TRPM1: variants seen among roughly 807,000 people sequenced by gnomAD.
The protein encoded by TRPM1 is transient receptor potential cation channel subfamily M member 1.
In TRPM1, 113 loss-of-function variants were observed where a neutral mutation model predicts 149.4. The observed-to-expected ratio is 0.76, with a 90% CI of 0.65 to 0.88. The LOEUF (loss-of-function observed/expected upper bound fraction) is 0.88. Among genes scored for constraint, TRPM1 ranks in the 40% least tolerant of loss-of-function variants. The pLI is 0.00. For synonymous variants in TRPM1, 741 were observed against 759.5 expected, an observed-to-expected ratio of 0.98 and a Z score of 0.40; for missense variants, 1,976 against 2,038.7, an observed-to-expected ratio of 0.97 and a Z score of 0.59.
chr15:31,081,135 C>A (rs766841183), intron 2 of TRPM1, among the ~76,000 whole-genome samples: 1 of 152,150 alleles, frequency 6.6e-6, no homozygotes, highest in Non-Finnish European at 1.5e-5. Context: ...CCCCAGATTC[C>A]GAAAAGGAGG....
intron 24 of TRPM1, 122 bp downstream of exon 24, chr15:31,029,249 C>A (rs2032942286): frequency 9.7e-7 from 1 of 1,034,670 alleles, no homozygotes; most frequent in African/African-American, 1.6e-5. Flanking sequence ...TTAAAAAGTA[C>A]TGGCACCAAA....
At chr15:31,056,244 G>T (rs1596023681) in intron 11 of TRPM1, among the ~76,000 whole-genome samples, 1 of 152,114 alleles carries the variant, frequency 6.6e-6, no homozygotes. Context: ...AATAAAGAAA[G>T]AAATACTCAA....
Position 31,068,003 on chromosome 15 carries a change from T to C in TRPM1, c.369A>G (p.Ile123Met). The C allele has an allele frequency of 6.2e-7, 1 of 1,614,202 alleles. No homozygotes were observed. Among genetic ancestry groups the C allele is most frequent in the South Asian group, 1.1e-5 (1 of 91,086 alleles). ...DWQLELPKLL[I>M]SVHGGLQNFE... ...AGTTCTGGAGGCCTCCATGCACAGA[T>C]ATTAAGAGCTTGGGGAGTTCCAGCT... Residue 123 changes from isoleucine to methionine, a missense_variant, in exon 5 of 28, where the codon ATA (isoleucine) becomes ATG (methionine). Around this residue, in one of 3 missense-constraint regions of TRPM1, gnomAD observed 1,332 missense variants for 1,347.1 expected, o/e 0.99. Coordinates refer to ENST00000256552, the MANE Select transcript of TRPM1 (RefSeq NM_001252024.2).
intron 1 of TRPM1, among the ~76,000 whole-genome samples, chr15:31,096,663 G>A (rs1028524911): frequency 2.0e-5 from 3 of 152,218 alleles, no homozygotes; most frequent in Non-Finnish European, 2.9e-5. Context: ...GGAGAGATGC[G>A]CAGAGGCTCA....
At chr15:31,075,022 A>T (rs1260598536) in intron 3 of TRPM1, among the ~76,000 whole-genome samples, 1 of 151,986 alleles carries the variant, frequency 6.6e-6, no homozygotes, top group Non-Finnish European at 1.5e-5. Context: ...ATTTTATTAC[A>T]TTGTGGTTGG....
intron 1 of TRPM1, among the ~76,000 whole-genome samples, chr15:31,139,617 T>C (rs1173230895): frequency 6.6e-6 from 1 of 152,240 alleles, no homozygotes; most frequent in African/African-American, 2.4e-5. Flanking sequence ...TTTGTTCGTG[T>C]GACTTGGGTA....
At chr15:31,079,099 T>C (rs59734785) in intron 2 of TRPM1, among the ~76,000 whole-genome samples, 2,798 of 152,290 alleles carry the variant, frequency 0.018, 94 homozygotes, top group African/African-American at 0.064. Flanking sequence ...TGTGAACTCA[T>C]GGTTTGTAAT....
chr15:31,150,557 C>A (rs1211465409), intron 1 of TRPM1, among the ~76,000 whole-genome samples: 2 of 151,442 alleles, frequency 1.3e-5, no homozygotes, highest in Non-Finnish European at 2.9e-5. Context: ...CGGCTTCAGC[C>A]TCCCAAGTAG....
chr15:31,124,583 G>A (rs2035920259), intron 1 of TRPM1, among the ~76,000 whole-genome samples: 1 of 150,780 alleles, frequency 6.6e-6, no homozygotes, highest in South Asian at 2.1e-4. Flanking sequence ...GAACCCGGGA[G>A]GCGGAGGTTG....
intron 1 of TRPM1, among the ~76,000 whole-genome samples, chr15:31,148,802 C>A (rs1166197736): frequency 6.6e-6 from 1 of 152,184 alleles, no homozygotes; most frequent in Non-Finnish European, 1.5e-5. Flanking sequence ...TTTTTGCCAG[C>A]ACACAGACAC....
chr15:31,008,344 G>A (rs2032067927), intron 27 of TRPM1, among the ~76,000 whole-genome samples: 1 of 152,182 alleles, frequency 6.6e-6, no homozygotes, highest in African/African-American at 2.4e-5. Context: ...TCAGATTAAG[G>A]AGGTTCTCTT....
At chr15:31,045,342 C>T (rs568277617) in intron 16 of TRPM1, among the ~76,000 whole-genome samples, 19 of 152,264 alleles carry the variant, frequency 1.2e-4, no homozygotes, top group African/African-American at 3.4e-4. Flanking sequence ...ATTGTTCTTA[C>T]GGTTGCTAGT....
chr15:31,121,724 G>A (rs1287196546), intron 1 of TRPM1, among the ~76,000 whole-genome samples: 1 of 152,094 alleles, frequency 6.6e-6, no homozygotes, highest in Admixed American at 6.6e-5. Context: ...TTTCACTGGT[G>A]AATTATACCA....
At chr15:31,069,662 T>C (rs1046493147) in intron 4 of TRPM1, 2 of 1,374,022 alleles carry the variant, frequency 1.5e-6, no homozygotes, top group Non-Finnish European at 1.9e-6. Context: ...GGAAAATATT[T>C]CCAAAGACTC....
At chr15:31,066,009 T>A in intron 7 of TRPM1, 67 bp downstream of exon 7, 2 of 1,566,880 alleles carry the variant, frequency 1.3e-6, no homozygotes, top group Non-Finnish European at 1.7e-6. Flanking sequence ...ATCAATCTCC[T>A]TCTCAGCCTT....
intron 3 of TRPM1, among the ~76,000 whole-genome samples, chr15:31,072,782 A>C (rs2034594436): frequency 1.3e-5 from 2 of 152,042 alleles, no homozygotes; most frequent in Admixed American, 1.3e-4. Context: ...GACATTGAGC[A>C]TTTTTCATGT....
chr15:31,028,306 A>G, intron 25 of TRPM1, 26 bp downstream of exon 25: 8 of 1,614,058 alleles, frequency 5.0e-6, no homozygotes, highest in Non-Finnish European at 6.8e-6. Flanking sequence ...AATAATAAGC[A>G]TGTGGTCATC....
rs1295375066 is a variant in TRPM1 at position 31,076,943 on chromosome 15, T to C, written c.45A>G (p.Glu15=). The change falls in exon 3 of 28, where the codon GAA becomes GAG. Residue 15 remains glutamate, a synonymous_variant. Transcript: ENST00000256552. ...TCATGCTAGGAATTACAAAGATACATTCCCGTTTGCAAAAGGTTTTCTCTA... is the reference window on the plus strand; with the variant it reads ...TCATGCTAGGAATTACAAAGATACACTCCCGTTTGCAAAAGGTTTTCTCTA... ...SWIEKTFCKR[E]CIFVIPSMKD... is the part of the protein sequence containing the mutation. 2 of 1,612,472 alleles carry C rather than the reference T, an allele frequency of 1.2e-6. No individual in the cohort carries two copies. The highest frequency in any genetic ancestry group is 2.7e-5 in the African/African-American group (2 of 74,896).
At chr15:31,103,352 G>T (rs914748930), upstream of TRPM1, among the ~76,000 whole-genome samples, 1 of 152,202 alleles carries the variant, frequency 6.6e-6, no homozygotes, top group Non-Finnish European at 1.5e-5. Flanking sequence ...TGGAGTGCTG[G>T]AAACAGAGCC....
Sources: allele counts gnomAD v4.1 joint callset (sites outside exome capture counted in the v4.1 genomes callset), GRCh38; gene constraint gnomAD v4.1.1; regional missense constraint gnomAD v4.1.1; transcripts MANE v1.5; gene names NCBI Gene and HGNC (gene_info 2026-07-23, HGNC 2026-07-21).